LMX1A: variants seen among roughly 807,000 people sequenced by gnomAD.
LMX1A encodes LIM homeobox transcription factor 1-alpha.
In LMX1A, 15 loss-of-function variants were observed where a neutral mutation model predicts 49.1. The ratio of observed to expected loss-of-function variants is 0.31; its 90% CI spans 0.20 to 0.47. The LOEUF is 0.47. LMX1A is among the 20% of genes least tolerant of loss of function. LMX1A has a pLI of 1.00. For missense variants in LMX1A, 372 were observed against 475.8 expected (o/e 0.78, Z 2.03); for synonymous variants, 167 against 185.7 (o/e 0.90, Z 0.82).
At chr1:165,251,255 G>C (rs998904544) in intron 3 of LMX1A, among the ~76,000 whole-genome samples, 2 of 152,060 alleles carry the variant, frequency 1.3e-5, no homozygotes, top group African/African-American at 4.8e-5. Flanking sequence ...GCTAATTTTT[G>C]TATTTTTAGT....
At chr1:165,246,905 A>G (rs1180381568) in intron 4 of LMX1A, among the ~76,000 whole-genome samples, 2 of 110,278 alleles carry the variant, frequency 1.8e-5, no homozygotes, top group East Asian at 2.2e-4. Context: ...GAAAGCTCCA[A>G]TATGTCAATA....
intron 3 of LMX1A, among the ~76,000 whole-genome samples, chr1:165,263,045 G>C (rs550394762): frequency 1.5e-4 from 23 of 151,964 alleles, no homozygotes; most frequent in Non-Finnish European, 2.6e-4. Context: ...CCTCCCACCT[G>C]GTCACTCCTG....
rs558481271 is a variant in LMX1A at position 165,237,969 on chromosome 1, T to C, written c.496+11439A>G. 4.6e-5 allele frequency among the ~76,000 whole-genome samples: 7 copies of C among 152,312 alleles called. No homozygotes were observed. In the South Asian group the frequency reaches 1.4e-3, roughly 32 times the overall value. ...TATTACACAATAGAAAGTGAGTCCCTGGTCATTTAGCTCAGATATGAAAGA... is the reference window on the plus strand; with the variant it reads ...TATTACACAATAGAAAGTGAGTCCCCGGTCATTTAGCTCAGATATGAAAGA... On this transcript the variant is annotated intron_variant, in intron 4 of 8. Transcript: ENST00000342310.
At chr1:165,322,625 G>A (rs1239485552) in intron 3 of LMX1A, among the ~76,000 whole-genome samples, 1 of 152,122 alleles carries the variant, frequency 6.6e-6, no homozygotes, top group Non-Finnish European at 1.5e-5. Flanking sequence ...TCCAGAATAG[G>A]CAAATTTATA....
At chr1:165,348,367 A>C (rs1301841458) in intron 3 of LMX1A, among the ~76,000 whole-genome samples, 3 of 152,182 alleles carry the variant, frequency 2.0e-5, no homozygotes, top group Non-Finnish European at 4.4e-5. Context: ...ATACATATAA[A>C]AAGAGAAAAC....
chr1:165,248,119 G>A (rs1506946), intron 4 of LMX1A, among the ~76,000 whole-genome samples: 70,188 of 152,024 alleles, frequency 0.46, 16,317 homozygotes, highest in African/African-American at 0.48. Flanking sequence ...GAGAAGTTAA[G>A]GGTAAACTCA....
intron 3 of LMX1A, among the ~76,000 whole-genome samples, chr1:165,339,306 G>A (rs1287887599): frequency 1.3e-5 from 2 of 152,194 alleles, no homozygotes; most frequent in Non-Finnish European, 2.9e-5. Context: ...CCCTTGCTTT[G>A]AGAGTCCTCC....
chr1:165,269,054 G>C (rs918224362), intron 3 of LMX1A, among the ~76,000 whole-genome samples: 2 of 152,184 alleles, frequency 1.3e-5, no homozygotes, highest in African/African-American at 4.8e-5. Flanking sequence ...CTCACCAAGA[G>C]CTACCCAGAG....
chr1:165,288,687 C>A (rs764612910), intron 3 of LMX1A, among the ~76,000 whole-genome samples: 2 of 152,128 alleles, frequency 1.3e-5, no homozygotes, highest in Admixed American at 1.3e-4. Flanking sequence ...TGAGGTACAC[C>A]GTGTGTGTGT....
At chr1:165,224,179 CA>C (rs1651955068) in intron 4 of LMX1A, among the ~76,000 whole-genome samples, 1 of 152,184 alleles carries the variant, frequency 6.6e-6, no homozygotes, top group Admixed American at 6.5e-5. Flanking sequence ...TCTTCTCCAC[CA>C]TGTAAGATGC....
At chr1:165,231,277 T>A (rs548594296) in intron 4 of LMX1A, among the ~76,000 whole-genome samples, 77 of 150,620 alleles carry the variant, frequency 5.1e-4, no homozygotes, top group African/African-American at 1.8e-3. Flanking sequence ...AAACAAATCT[T>A]AGAAACTGGC....
chr1:165,336,179 A>G lies in LMX1A; in HGVS notation c.263+16897T>C, dbSNP rs1296327472. Among the ~76,000 whole-genome samples, 3 of 151,842 alleles carry G rather than the reference A, an allele frequency of 2.0e-5. No homozygotes were observed. The East Asian group carries it at 5.8e-4, about 29-fold the overall frequency. On this transcript the variant is annotated intron_variant, in intron 3 of 8. Transcript: ENST00000342310. ...GTTAACGGAGCTGGGATTTGAACCC[A>G]TATCCCTATTGTCAGGGGTGGGGTG... is the stretch of plus-strand genomic sequence containing the variant.
chr1:165,246,708 G>A (rs1055924967), intron 4 of LMX1A, among the ~76,000 whole-genome samples: 1 of 149,510 alleles, frequency 6.7e-6, no homozygotes, highest in Non-Finnish European at 1.5e-5. Flanking sequence ...TCATTTGAAG[G>A]CAACAATTAT....
chr1:165,291,727 T>A (rs1654470399), intron 3 of LMX1A, among the ~76,000 whole-genome samples: 1 of 152,176 alleles, frequency 6.6e-6, no homozygotes, highest in Non-Finnish European at 1.5e-5. Flanking sequence ...ATCATACAGC[T>A]AACAAGTAGC....
chr1:165,211,947 G>A (rs904597988), intron 5 of LMX1A, among the ~76,000 whole-genome samples: 2 of 152,126 alleles, frequency 1.3e-5, no homozygotes, highest in African/African-American at 4.8e-5. Context: ...GCTGCCCGGG[G>A]ACAAGCACCC....
chr1:165,271,646 A>G (rs1490148630), intron 3 of LMX1A, among the ~76,000 whole-genome samples: 1 of 152,162 alleles, frequency 6.6e-6, no homozygotes, highest in Admixed American at 6.5e-5. Context: ...CAAGACCGAG[A>G]AGCAACAGTC....
chr1:165,342,168 A>G (rs560909403), intron 3 of LMX1A, among the ~76,000 whole-genome samples: 1 of 152,374 alleles, frequency 6.6e-6, no homozygotes, highest in South Asian at 2.1e-4. Flanking sequence ...TTTTTGATCC[A>G]GCTAGGCCAA....
intron 6 of LMX1A, among the ~76,000 whole-genome samples, chr1:165,208,749 C>T (rs1651213631): frequency 6.6e-6 from 1 of 152,200 alleles, no homozygotes; most frequent in African/African-American, 2.4e-5. Flanking sequence ...CGGGTTCACG[C>T]CATTCTCCTG....
chr1:165,229,417 G>A lies in LMX1A; in HGVS notation c.497-15604C>T, dbSNP rs201509094. ...CTATTATTAGTCCCAACTCCTTCAC[G>A]TGTTCCCAACTATCTCTTTGGCCAT... On this transcript the variant is annotated intron_variant, in intron 4 of 8. Coordinates refer to ENST00000342310, the MANE Select transcript of LMX1A (RefSeq NM_177398.4). Among the ~76,000 whole-genome samples the A allele has an allele frequency of 3.8e-4, 58 of 152,270 alleles. 1 individual carries two copies. The East Asian group carries it at 0.01, about 26-fold the overall frequency.
Sources: allele counts gnomAD v4.1 joint callset (sites outside exome capture counted in the v4.1 genomes callset), GRCh38; gene constraint gnomAD v4.1.1; transcripts MANE v1.5; gene names NCBI Gene and HGNC (gene_info 2026-07-23, HGNC 2026-07-21).